ATAD2: variants seen among roughly 807,000 people sequenced by gnomAD.
ATAD2 encodes the protein ATPase family AAA domain containing 2, also known as ATPase family AAA domain-containing protein 2.
A neutral mutation model predicts 168.9 loss-of-function variants in ATAD2; 62 were observed. The observed-to-expected ratio is 0.37, with a 90% CI of 0.30 to 0.45. The LOEUF (loss-of-function observed/expected upper bound fraction) is 0.45, where lower values mean the gene tolerates loss of function less well. ATAD2 is among the 20% of genes least tolerant of loss of function. The pLI is 1.00. For missense variants in ATAD2, 1,419 were observed against 1,667.8 expected (o/e 0.85, Z 2.60); for synonymous variants, 613 against 571.6 (o/e 1.07, Z -1.03).
intron 21 of ATAD2, 120 bp from the exon 22 acceptor site, chr8:123,336,652 T>C (rs1827921894): frequency 4.0e-6 from 3 of 749,992 alleles, no homozygotes; most frequent in Non-Finnish European, 5.8e-6. Flanking sequence ...TATGATAATA[T>C]ATTTAACATA....
chr8:123,356,412 T>G lies in ATAD2; in HGVS notation c.1623A>C (p.Ser541=). The part of the protein sequence containing the change: ...DEIDGLAPVR[S]SRQDQIHSSI... ...ACCTGTGAATCTGATCTTGCCTGCT[T>G]GACCGTACTGGAGCCAGACCATCAA... is the stretch of plus-strand genomic sequence containing the variant. Residue 541 remains serine (S), a synonymous_variant, in exon 13 of 28, where the codon TCA becomes TCC. Transcript: ENST00000287394. 1 of 1,611,962 alleles carries G rather than the reference T, an allele frequency of 6.2e-7. No homozygotes were observed. The highest frequency in any genetic ancestry group is 8.5e-7 in the Non-Finnish European group (1 of 1,178,792).
intron 1 of ATAD2, among the ~76,000 whole-genome samples, chr8:123,393,890 C>G (rs544753932): frequency 1.3e-5 from 2 of 152,062 alleles, no homozygotes; most frequent in East Asian, 3.9e-4. Context: ...GCACTCCAGC[C>G]TGGGTGACAG....
chr8:123,372,601 C>A, intron 3 of ATAD2, 36 bp downstream of exon 3: 2 of 1,460,298 alleles, frequency 1.4e-6, no homozygotes, highest in South Asian at 1.3e-5. Context: ...ATTAATTACA[C>A]ATTTTAAGAT....
rs77008800 is a variant in ATAD2, at chr8:123,335,639, A to G, written c.3211+734T>C. On this transcript the variant is annotated intron_variant, in intron 22 of 27. Transcript: ENST00000287394. ...AAAGAACATTTCTTGGAAATGGACA[A>G]GCTGCAGAACAAACATATCATTAAA... Among the ~76,000 whole-genome samples, 210 of 152,338 alleles carry G rather than the reference A, an allele frequency of 1.4e-3. No homozygotes were observed. In the Middle Eastern group the frequency reaches 0.024, roughly 17 times the overall value.
intron 11 of ATAD2, among the ~76,000 whole-genome samples, chr8:123,358,209 G>A (rs1828705739): frequency 6.6e-6 from 1 of 152,076 alleles, no homozygotes; most frequent in Non-Finnish European, 1.5e-5. Context: ...TAAAGATGGG[G>A]TCTCACTGTC....
chr8:123,410,091 G>C (rs1813132107), intron 1 of ATAD2, among the ~76,000 whole-genome samples: 1 of 151,808 alleles, frequency 6.6e-6, no homozygotes, highest in East Asian at 1.9e-4. Context: ...AATTTCCTCT[G>C]TTATTGATCT....
chr8:123,370,508 A>T lies in ATAD2; in HGVS notation c.727+395T>A, dbSNP rs1484915452. 2.6e-5 allele frequency among the ~76,000 whole-genome samples: 4 copies of T among 152,148 alleles called. No homozygotes were observed. The East Asian group carries it at 5.8e-4, about 22-fold the overall frequency. On this transcript the variant is annotated intron_variant, in intron 6 of 27. Transcript: ENST00000287394. ...AATCTACTTATGATTATGGTAAAAC[A>T]TGCTCACCAAACATTTAAAATGCAT...
intron 21 of ATAD2, 90 bp downstream of exon 21, chr8:123,337,535 G>C (rs957786426): frequency 1.6e-6 from 2 of 1,233,240 alleles, no homozygotes; most frequent in South Asian, 1.7e-5. Flanking sequence ...AGTTAAGAGT[G>C]TAGGCAGAAC....
At chr8:123,379,796 C>T (rs1829437523) in intron 2 of ATAD2, among the ~76,000 whole-genome samples, 1 of 151,678 alleles carries the variant, frequency 6.6e-6, no homozygotes, top group Non-Finnish European at 1.5e-5. Flanking sequence ...TCTCAAACTC[C>T]TGACCTCGTG....
chr8:123,379,853 C>G (rs1243550826), intron 2 of ATAD2, among the ~76,000 whole-genome samples: 1 of 150,500 alleles, frequency 6.6e-6, no homozygotes, highest in African/African-American at 2.4e-5. Flanking sequence ...CAGGTGTGAG[C>G]CATTGCGCCC....
At chr8:123,380,764 G>T in intron 1 of ATAD2, 87 bp from the exon 2 acceptor site, 1 of 1,422,922 alleles carries the variant, frequency 7.0e-7, no homozygotes, top group Non-Finnish European at 9.5e-7. Context: ...CTGATTACAA[G>T]TTAGTAAAAA....
Position 123,346,119 on chromosome 8 carries a change from A to C in ATAD2, c.2499T>G (p.Val833=). 6.3e-7 allele frequency: 1 copy of C among 1,591,158 alleles called. No homozygotes were observed. The highest frequency in any genetic ancestry group is 8.5e-7 in the Non-Finnish European group (1 of 1,171,126). The change falls in exon 18 of 28, where the codon GTT becomes GTG. Residue 833 remains valine (V), a synonymous_variant. Transcript: ENST00000287394. ...YTLDIPVLFG[V]STTSPEETCA... ...ATGTTTCTTCAGGGGATGTAGTACTAACTCCAAAAAGAACAGGAATGTCTA... is the reference window on the plus strand; with the variant it reads ...ATGTTTCTTCAGGGGATGTAGTACTCACTCCAAAAAGAACAGGAATGTCTA...
chr8:123,341,315 C>T (rs542618276), intron 19 of ATAD2, among the ~76,000 whole-genome samples: 19 of 152,192 alleles, frequency 1.2e-4, no homozygotes, highest in Admixed American at 6.5e-4. Flanking sequence ...CAGATTAAAC[C>T]GATTACATTT....
intron 1 of ATAD2, among the ~76,000 whole-genome samples, chr8:123,395,789 CAGAA>C (rs1156896001): frequency 6.6e-6 from 1 of 152,068 alleles, no homozygotes; most frequent in African/African-American, 2.4e-5. Flanking sequence ...ATGGCGCAGA[CAGAA>C]AGCAGTCAGG....
At chr8:123,321,906 A>T (rs1445711543) in intron 27 of ATAD2, among the ~76,000 whole-genome samples, 1 of 152,178 alleles carries the variant, frequency 6.6e-6, no homozygotes, top group Admixed American at 6.5e-5. Context: ...CACACAGAGA[A>T]AGATCCTGTC....
intron 1 of ATAD2, among the ~76,000 whole-genome samples, chr8:123,403,471 G>C (rs1300026656): frequency 6.6e-6 from 1 of 151,608 alleles, no homozygotes; most frequent in Non-Finnish European, 1.5e-5. Context: ...TGTTGCCCAG[G>C]CTGCAGTGCA....
chr8:123,322,802 G>T, intron 27 of ATAD2, 136 bp downstream of exon 27: 1 of 868,954 alleles, frequency 1.2e-6, no homozygotes, highest in Non-Finnish European at 1.7e-6. Context: ...ATCAACTTTG[G>T]AAATAGAAAG....
At chr8:123,376,548 C>T (rs949631646) in intron 2 of ATAD2, among the ~76,000 whole-genome samples, 3 of 151,668 alleles carry the variant, frequency 2.0e-5, no homozygotes, top group Non-Finnish European at 4.4e-5. Context: ...AGCAAGACTC[C>T]ATCTCAAAAA....
chr8:123,409,793 G>A (rs940127334), intron 1 of ATAD2, among the ~76,000 whole-genome samples: 44 of 151,876 alleles, frequency 2.9e-4, no homozygotes, highest in African/African-American at 6.8e-4. Context: ...AAAATTAGCC[G>A]GGTGTCGTGG....
Sources: allele counts gnomAD v4.1 joint callset (sites outside exome capture counted in the v4.1 genomes callset), GRCh38; gene constraint gnomAD v4.1.1; transcripts MANE v1.5; gene names NCBI Gene and HGNC (gene_info 2026-07-23, HGNC 2026-07-21).